Variants in THOC2 observed in about 807,000 individuals in gnomAD.
THOC2 encodes THO complex subunit 2.
THOC2 carries 10 observed loss-of-function variants against 128.4 expected under a neutral mutation model. That is an observed-to-expected ratio of 0.08 (90% CI 0.05 to 0.13). THOC2 has a LOEUF of 0.13. Ranked by LOEUF, THOC2 falls within the 10% of genes least tolerant of loss-of-function variation. The pLI is 1.00. For missense variants in THOC2, 535 were observed against 1,155.7 expected (o/e 0.46, Z 7.79); for synonymous variants, 393 against 396.9 (o/e 0.99, Z 0.12).
chrX:123,609,881 T>C (rs1044044589), intron 38 of THOC2, among the ~76,000 whole-genome samples: 4 of 109,095 alleles, frequency 3.7e-5, no homozygotes, highest in African/African-American at 1.3e-4. Flanking sequence ...ATACAAAAAT[T>C]AGCCGGGCGC....
chrX:123,644,951 A>G, intron 13 of THOC2, 42 bp from the exon 14 acceptor site: 1 of 1,071,063 alleles, frequency 9.3e-7, no homozygotes, highest in Non-Finnish European at 1.3e-6. Context: ...AGAGGTCTAT[A>G]TTAATATAAC....
chrX:123,613,936 A>T (rs2046796720), intron 34 of THOC2, 116 bp downstream of exon 34: 3 of 812,516 alleles, frequency 3.7e-6, no homozygotes, highest in African/African-American at 4.1e-5. Context: ...AATATCAATA[A>T]AATCATGAAA....
At chrX:123,665,475 C>G (rs1214445755) in intron 12 of THOC2, among the ~76,000 whole-genome samples, 167 bp downstream of exon 12, 1 of 111,989 alleles carries the variant, frequency 8.9e-6, no homozygotes, top group Non-Finnish European at 1.9e-5. Flanking sequence ...TTAAGCAACA[C>G]TTGACTGCAT....
chrX:123,631,689 G>A lies in THOC2; in HGVS notation c.2480C>T (p.Ser827Leu), dbSNP rs1422313478. 6.6e-6 allele frequency: 8 copies of A among 1,207,930 alleles called. No homozygotes were observed. The highest frequency in any genetic ancestry group is 8.9e-6 in the Non-Finnish European group (8 of 893,955). Residue 827 changes from serine (S) to leucine (L), a missense_variant and splice_region_variant, in exon 22 of 39, where the codon TCG becomes TTG. This residue lies in a region of THOC2 where 90 missense variants were observed against 298.6 expected (regional missense o/e 0.30). Coordinates refer to ENST00000245838, the MANE Select transcript of THOC2 (RefSeq NM_001081550.2). Reference protein sequence around the residue: ...LSRPMYAHHISSKYDELKKSE... With the variant: ...LSRPMYAHHILSKYDELKKSE... ...GGCAGCAAAGACACTTGTACTTACCGAAATATGATGGGCATACATTGGCCT... is the reference window on the plus strand; with the variant it reads ...GGCAGCAAAGACACTTGTACTTACCAAAATATGATGGGCATACATTGGCCT...
intron 4 of THOC2, among the ~76,000 whole-genome samples, chrX:123,700,519 C>T (rs868784839): frequency 3.7e-4 from 2 of 5,416 alleles, no homozygotes; most frequent in Non-Finnish European, 6.5e-4. Flanking sequence ...GGGCTGGGGG[C>T]GGCGGGGGGG....
chrX:123,697,587 G>C lies in THOC2; in HGVS notation c.345+94C>G. On this transcript the variant is annotated intron_variant, in intron 5 of 38. Transcript: ENST00000245838. ...TCTCACCTTATGAGAAAAGTCAACT[G>C]AATGTCAATATCCTCCTTCATTAAC... The C allele has an allele frequency of 6.1e-6, 3 of 489,247 alleles. No individual in the cohort carries two copies. In the South Asian group the frequency reaches 9.1e-5, roughly 15 times the overall value. 40.3% of individuals were successfully genotyped at this position (489,247 alleles called of 1,213,427 possible). A position where few individuals can be genotyped will look rare whatever the true frequency, so the allele number is the denominator to read the frequency against.
chrX:123,718,874 A>AAT (rs1030038445), intron 1 of THOC2, among the ~76,000 whole-genome samples: 2 of 110,938 alleles, frequency 1.8e-5, no homozygotes, highest in African/African-American at 6.6e-5. Context: ...TAATATCCAA[A>AAT]ATATATAAAG....
chrX:123,676,343 C>A (rs2049490923), intron 8 of THOC2, among the ~76,000 whole-genome samples: 1 of 112,104 alleles, frequency 8.9e-6, no homozygotes, highest in Admixed American at 9.4e-5. Flanking sequence ...AAACACAATT[C>A]TTTGCTCCCT....
intron 7 of THOC2, among the ~76,000 whole-genome samples, chrX:123,692,153 T>C (rs1243599955): frequency 8.9e-6 from 1 of 111,995 alleles, no homozygotes; most frequent in African/African-American, 3.2e-5. Flanking sequence ...GCTCTGATTT[T>C]TTTTGAAGGG....
Position 123,627,090 on chromosome X carries a change from A to G in THOC2, c.2758-428T>C, listed in dbSNP as rs537688152. On this transcript the variant is annotated intron_variant, in intron 23 of 38. Coordinates refer to ENST00000245838, the MANE Select transcript of THOC2 (RefSeq NM_001081550.2). ...TCATGAGTAATCTTTTTTAAGTACC[A>G]TTTTTTACATTACTATCCTGCTCAG... Among the ~76,000 whole-genome samples the G allele has an allele frequency of 3.8e-4, 43 of 112,190 alleles. 1 individual carries two copies. The South Asian group carries it at 0.015, about 40-fold the overall frequency.
chrX:123,645,689 C>T (rs770396178), intron 12 of THOC2, among the ~76,000 whole-genome samples: 8 of 112,692 alleles, frequency 7.1e-5, no homozygotes, highest in South Asian at 3.6e-4. Context: ...GGGCTGGGCG[C>T]GGTGCCTCAC....
chrX:123,731,997 T>C (rs1433793005), intron 1 of THOC2, among the ~76,000 whole-genome samples: 2 of 110,963 alleles, frequency 1.8e-5, no homozygotes, highest in Non-Finnish European at 3.8e-5. Flanking sequence ...TGAGATGTTA[T>C]TAATATTTGT....
intron 15 of THOC2, 71 bp from the exon 16 acceptor site, chrX:123,640,693 C>T (rs2047878138): frequency 1.7e-6 from 1 of 597,399 alleles, no homozygotes; most frequent in Non-Finnish European, 2.6e-6. Context: ...AGCTTTGTTA[C>T]ATCATCGTGG....
rs150768086 is a variant in THOC2, at chrX:123,675,596, T to C, written c.769-3835A>G. Among the ~76,000 whole-genome samples, 688 of 109,217 alleles carry C rather than the reference T, an allele frequency of 6.3e-3. 3 individuals are homozygous for C. The highest frequency in any genetic ancestry group is 0.021 in the African/African-American group (632 of 29,919). The allele number at this position is 109,217 out of a possible 115,157, so 94.8% of individuals were successfully genotyped here. On this transcript the variant is annotated intron_variant, in intron 8 of 38. Transcript: ENST00000245838. ...AGACAGAGGTTGCAGTGAGCCGAGA[T>C]TGTGCCACTGCACTTCAGCCTGGGT...
intron 37 of THOC2, 68 bp downstream of exon 37, chrX:123,611,372 A>G: frequency 2.4e-6 from 2 of 841,654 alleles, no homozygotes; most frequent in South Asian, 4.6e-5. Context: ...AAAGAGTACA[A>G]TTGTAAACAT....
At chrX:123,732,216 G>A (rs2052296920) in intron 1 of THOC2, among the ~76,000 whole-genome samples, 2 of 112,003 alleles carry the variant, frequency 1.8e-5, no homozygotes, top group African/African-American at 6.5e-5. Context: ...GCAGTCCCAG[G>A]ATAAAATGGG....
intron 2 of THOC2, among the ~76,000 whole-genome samples, chrX:123,707,744 A>G (rs1347105546): frequency 9.0e-6 from 1 of 111,243 alleles, no homozygotes; most frequent in Non-Finnish European, 1.9e-5. Context: ...TAAAGATGCT[A>G]ATGTAAAATA....
At position 123,621,356 on chromosome X, in the gene THOC2, A is replaced by G. The variant is rs760368916; in HGVS notation, c.4017T>C (p.Asp1339=). ...TGGGGACAGTGGTCTTAAATTTCTCATCTTTAGCTTTTTCTTCCTTCTTGA... is the reference window on the plus strand; with the variant it reads ...TGGGGACAGTGGTCTTAAATTTCTCGTCTTTAGCTTTTTCTTCCTTCTTGA... ...EKFKKEEKAK[D]EKFKTTVPNA... The change falls in exon 31 of 39, where the codon GAT becomes GAC. Residue 1339 remains aspartate (D), a synonymous_variant. Transcript: ENST00000245838. The G allele has an allele frequency of 1.1e-4, 135 of 1,207,556 alleles. No homozygotes were observed. The South Asian group carries it at 2.2e-3, about 20-fold the overall frequency.
At chrX:123,667,618 G>A (rs918294266) in intron 10 of THOC2, among the ~76,000 whole-genome samples, 4 of 110,607 alleles carry the variant, frequency 3.6e-5, no homozygotes, top group Non-Finnish European at 7.6e-5. Flanking sequence ...CATGCCTGTA[G>A]TCCCAGCTAC....
Sources: allele counts gnomAD v4.1 joint callset (sites outside exome capture counted in the v4.1 genomes callset), GRCh38; gene constraint gnomAD v4.1.1; regional missense constraint gnomAD v4.1.1; transcripts MANE v1.5; gene names NCBI Gene and HGNC (gene_info 2026-07-23, HGNC 2026-07-21).